Variants in MICALL2 observed in about 807,000 individuals in gnomAD.
MICALL2 encodes MICAL-like protein 2.
MICALL2 carries 111 observed loss-of-function variants against 91.1 expected under a neutral mutation model. That is an observed-to-expected ratio of 1.22 (90% CI 1.04 to 1.43). The LOEUF (loss-of-function observed/expected upper bound fraction) is 1.43, where lower values mean the gene tolerates loss of function less well. Ranked by LOEUF, MICALL2 falls within the 40% of genes most tolerant of loss-of-function variation. The probability of loss-of-function intolerance (pLI) is 0.00; values close to 1 mark genes in which losing one functional copy is unlikely to be tolerated. For synonymous variants in MICALL2, 694 were observed against 525.3 expected (o/e 1.32, Z -4.39); for missense variants, 1,556 against 1,236.0 (o/e 1.26, Z -3.88).
intron 4 of MICALL2, among the ~76,000 whole-genome samples, chr7:1,447,245 T>C (rs1780640506): frequency 1.3e-5 from 2 of 152,112 alleles, no homozygotes; most frequent in South Asian, 4.1e-4. Context: ...GGTGCCTGGG[T>C]TCACTCTGCA....
In MICALL2 at chr7:1,440,653, C is replaced by G. The variant is rs775918014; in HGVS notation, c.1743G>C (p.Glu581Asp). Reference protein sequence around the residue: ...DMSTSLQEGQEDGPAGWRANL... With the variant: ...DMSTSLQEGQDDGPAGWRANL... ...TCGCTCTCCATCCTGCCGGCCCGTC[C>G]TCCTGGCCTTCCTGGAGGCTGGTGC... The change falls in exon 8 of 17, where the codon GAG becomes GAC. Residue 581 changes from glutamate to aspartate, a missense_variant. Coordinates refer to ENST00000297508, the MANE Select transcript of MICALL2 (RefSeq NM_182924.4). 1 of 1,612,554 alleles carries G rather than the reference C, an allele frequency of 6.2e-7. No homozygotes were observed. Among genetic ancestry groups the G allele is most frequent in the Non-Finnish European group, 8.5e-7 (1 of 1,179,942 alleles).
chr7:1,437,708 G>C, intron 13 of MICALL2, 100 bp from the exon 14 acceptor site: 1 of 1,347,870 alleles, frequency 7.4e-7, no homozygotes, highest in Non-Finnish European at 1.0e-6. Context: ...ACACAGACAC[G>C]AGTCTGAGGC....
chr7:1,454,589 G>A (rs1286130511), intron 1 of MICALL2, among the ~76,000 whole-genome samples: 6 of 152,204 alleles, frequency 3.9e-5, no homozygotes, highest in African/African-American at 9.6e-5. Context: ...GCCCCCTCCC[G>A]CGCCCGTCCT....
chr7:1,440,700 G>C lies in MICALL2; in HGVS notation c.1712-16C>G, dbSNP rs527696501. 58 of 1,605,980 alleles carry C rather than the reference G, an allele frequency of 3.6e-5. No homozygotes were observed. The South Asian group carries it at 6.3e-4, about 17-fold the overall frequency. On this transcript the variant is annotated splice_polypyrimidine_tract_variant and intron_variant, in intron 7 of 16. Coordinates refer to ENST00000297508, the MANE Select transcript of MICALL2 (RefSeq NM_182924.4). The stretch of plus-strand genomic sequence containing the variant: ...GTGCTCATGTCTGGGTGGGAGGCAA[G>C]GGGTCTGGGTGTGAGGAAGGAGTGC...
rs1219714341 is a variant in MICALL2, at chr7:1,452,435, GC to G, written c.144-2148del. Among the ~76,000 whole-genome samples, 7 of 151,394 alleles carry G rather than the reference GC, an allele frequency of 4.6e-5. No individual in the cohort carries two copies. Among genetic ancestry groups the G allele is most frequent in the Non-Finnish European group, 1.0e-4 (7 of 67,866 alleles). ...GCCGGCTCTCCCTCCCTCTCTCCCC[GC>G]CCCCAGCCCTTTGAAAGCTCAAGCT... On this transcript the variant is annotated intron_variant, in intron 1 of 16. Transcript: ENST00000297508. The surrounding 1 kb of genome is among the most constrained non-coding windows in gnomAD (Gnocchi z 6.2).
At chr7:1,455,621 G>A (rs909536270) in intron 1 of MICALL2, among the ~76,000 whole-genome samples, 1 of 152,036 alleles carries the variant, frequency 6.6e-6, no homozygotes, top group Admixed American at 6.5e-5. Context: ...AGGAATGTCC[G>A]GATCCCCGCC....
At position 1,445,067 on chromosome 7, in the gene MICALL2, T is replaced by C. The variant is rs759799224; in HGVS notation, c.1003A>G (p.Lys335Glu). Residue 335 changes from lysine to glutamate, a missense_variant, in exon 6 of 17, where the codon AAA becomes GAA. By Grantham distance (56) the Lys-to-Glu change is moderately conservative. Coordinates refer to ENST00000297508, the MANE Select transcript of MICALL2 (RefSeq NM_182924.4). ...SRLAPTPTEG[K>E]VRPRVTNSSP... ...CTATTGGTCACACGAGGGCGGACTTTCCCCTCCGTGGGAGTGGGGGCCAGG... is the reference window on the plus strand; with the variant it reads ...CTATTGGTCACACGAGGGCGGACTTCCCCCTCCGTGGGAGTGGGGGCCAGG... The C allele has an allele frequency of 4.3e-5, 67 of 1,549,192 alleles. No individual in the cohort carries two copies. The highest frequency in any genetic ancestry group is 5.2e-5 in the Non-Finnish European group (60 of 1,146,998).
At chr7:1,440,276 G>A (rs115115094) in intron 8 of MICALL2, 191 bp from the exon 9 acceptor site, 19,585 of 701,422 alleles carry the variant, frequency 0.028, 308 homozygotes, top group Middle Eastern at 0.066. Context: ...GCTACCTGCC[G>A]TGGTGCGAAG....
rs763807077 is a variant in MICALL2, at chr7:1,446,836, A to G, written c.526-8T>C. The G allele has an allele frequency of 6.4e-7, 1 of 1,566,090 alleles. No individual in the cohort carries two copies. Among genetic ancestry groups the G allele is most frequent in the Non-Finnish European group, 8.7e-7 (1 of 1,153,838 alleles). On this transcript the variant is annotated splice_region_variant and splice_polypyrimidine_tract_variant and intron_variant, in intron 4 of 16. Transcript: ENST00000297508. ...GCCCGCCAATGCCTGGTCCTGGGGA[A>G]GATGCCAGCACCTCTCTGAGCAGCC...
At chr7:1,453,124 G>GGCCCC (rs1780895750) in intron 1 of MICALL2, among the ~76,000 whole-genome samples, 2 of 151,986 alleles carry the variant, frequency 1.3e-5, no homozygotes, top group African/African-American at 4.8e-5. Flanking sequence ...GCCAGGTGGA[G>GGCCCC]ACCCCACTCG....
intron 6 of MICALL2, among the ~76,000 whole-genome samples, chr7:1,444,388 A>G (rs576566269): frequency 6.6e-6 from 1 of 152,188 alleles, no homozygotes; most frequent in African/African-American, 2.4e-5. Flanking sequence ...CCGGAGCGGC[A>G]GCGCCACCGC....
In MICALL2 at chr7:1,451,090, CCT is replaced by C. The variant is rs199723533; in HGVS notation, c.144-804_144-803del. On this transcript the variant is annotated intron_variant, in intron 1 of 16. Coordinates refer to ENST00000297508, the MANE Select transcript of MICALL2 (RefSeq NM_182924.4). This position sits in a 1 kb window ranked among gnomAD's most constrained non-coding sequence, Gnocchi z 4.5. The stretch of plus-strand genomic sequence containing the variant: ...TGCTCAGCGAGGGCCCAGCCTCACC[CCT>C]GACTCGCACACTACACCACAGGGAT... Among the ~76,000 whole-genome samples, 1,265 of 152,288 alleles carry C rather than the reference CCT, an allele frequency of 8.3e-3. 7 individuals are homozygous for C. The highest frequency in any genetic ancestry group is 0.012 in the Non-Finnish European group (839 of 68,012).
rs1780496331 is a variant in MICALL2, at chr7:1,444,931, C to T, written c.1139G>A (p.Gly380Glu). The T allele has an allele frequency of 2.0e-6, 3 of 1,528,710 alleles. No individual in the cohort carries two copies. Among genetic ancestry groups the T allele is most frequent in the African/African-American group, 1.4e-5 (1 of 73,366 alleles). 94.7% of individuals were successfully genotyped at this position (1,528,710 alleles called of 1,614,324 possible). A position where few individuals can be genotyped will look rare whatever the true frequency, so the allele number is the denominator to read the frequency against. The change falls in exon 6 of 17, where the codon GGA becomes GAA. Residue 380 changes from glycine to glutamate, a missense_variant. Gly to Glu is a moderately conservative substitution (Grantham distance 98). Coordinates refer to ENST00000297508, the MANE Select transcript of MICALL2 (RefSeq NM_182924.4). ...TTGAGGAGCTGCCACTCGGGGGGCTCCCCCACCCTGGGGTGTGGCCGGGCG... is the reference window on the plus strand; with the variant it reads ...TTGAGGAGCTGCCACTCGGGGGGCTTCCCCACCCTGGGGTGTGGCCGGGCG... ...DPRPATPQGG[G>E]APRVAAPQTT...
intron 6 of MICALL2, 67 bp from the exon 7 acceptor site, chr7:1,442,551 C>A: frequency 6.9e-7 from 1 of 1,440,882 alleles, no homozygotes; most frequent in East Asian, 2.3e-5. Flanking sequence ...CACCCGAGGC[C>A]GCCCCTCTGC....
rs1459954037 is a variant in MICALL2, at chr7:1,459,250, A to C, written c.77T>G (p.Met26Arg). Reference protein sequence around the residue: ...EGYRDVNICNMTTSFRDGLAF... With the variant: ...EGYRDVNICNRTTSFRDGLAF... ...CAGGCCGTCGCGGAACGACGTGGTC[A>C]TGTTGCAGATATTCACGTCGCGGTA... The change falls in exon 1 of 17, where the codon ATG (methionine) becomes AGG (arginine). Residue 26 changes from methionine (M) to arginine (R), a missense_variant. Met to Arg is a moderately conservative substitution (Grantham distance 91, BLOSUM62 -1). Transcript: ENST00000297508. 1.9e-6 allele frequency: 3 copies of C among 1,610,788 alleles called. No homozygotes were observed. In the African/African-American group the frequency reaches 4.0e-5, roughly 22 times the overall value.
chr7:1,449,028 C>T (rs2128524075), intron 2 of MICALL2, among the ~76,000 whole-genome samples: 1 of 152,376 alleles, frequency 6.6e-6, no homozygotes, highest in South Asian at 2.1e-4. Flanking sequence ...GGGATCCTAC[C>T]CTTCACCGGG....
In MICALL2 at chr7:1,451,715, T is replaced by A. The variant is rs941225590; in HGVS notation, c.144-1427A>T. On this transcript the variant is annotated intron_variant, in intron 1 of 16. Coordinates refer to ENST00000297508, the MANE Select transcript of MICALL2 (RefSeq NM_182924.4). The surrounding 1 kb of genome is among the most constrained non-coding windows in gnomAD (Gnocchi z 4.5). ...CGGTCTCAGGGCCTCAGTCTCCCTG[T>A]CTGGGAGGACAACCGCAGCTCCTGG... 5.9e-5 allele frequency among the ~76,000 whole-genome samples: 9 copies of A among 152,212 alleles called. No homozygotes were observed. The highest frequency in any genetic ancestry group is 2.2e-4 in the African/African-American group (9 of 41,460).
chr7:1,436,882 G>A (rs1353218314), intron 14 of MICALL2, 26 bp from the exon 15 acceptor site: 4 of 1,494,982 alleles, frequency 2.7e-6, no homozygotes, highest in Non-Finnish European at 2.7e-6. Context: ...GTCAGCAGGA[G>A]CCCCCCCCAC....
intron 1 of MICALL2, among the ~76,000 whole-genome samples, chr7:1,458,581 TG>T (rs983888596): frequency 2.0e-5 from 3 of 152,208 alleles, no homozygotes; most frequent in African/African-American, 7.2e-5. Flanking sequence ...AAGACCCTCC[TG>T]GGGAGAGACA....
Sources: allele counts gnomAD v4.1 joint callset (sites outside exome capture counted in the v4.1 genomes callset), GRCh38; gene constraint gnomAD v4.1.1; non-coding constraint Gnocchi (gnomAD v3.1); transcripts MANE v1.5; gene names NCBI Gene and HGNC (gene_info 2026-07-23, HGNC 2026-07-21).